Variants in HDAC4 observed in about 807,000 individuals in gnomAD.
HDAC4 encodes histone deacetylase 4.
In HDAC4, 16 loss-of-function variants were observed where a neutral mutation model predicts 135.1. That is an observed-to-expected ratio of 0.12 (90% CI 0.08 to 0.18). HDAC4 has a LOEUF of 0.18. Ranked by LOEUF, HDAC4 falls within the 10% of genes least tolerant of loss-of-function variation. HDAC4 has a pLI of 1.00. For missense variants in HDAC4, 1,143 were observed against 1,511.8 expected (o/e 0.76, Z 4.05); for synonymous variants, 685 against 653.4 (o/e 1.05, Z -0.74).
intron 19 of HDAC4, 129 bp downstream of exon 19, chr2:239,087,430 G>A: frequency 2.3e-6 from 2 of 868,720 alleles, no homozygotes; most frequent in Non-Finnish European, 3.7e-6. Flanking sequence ...AAGCCGGCAT[G>A]CGGCACATCC....
rs766604502 is a variant in HDAC4 at position 239,156,601 on chromosome 2, A to G, written c.733+51T>C. The G allele has an allele frequency of 1.9e-6, 3 of 1,613,152 alleles. No homozygotes were observed. The East Asian group carries it at 6.7e-5, about 36-fold the overall frequency. Reference sequence around the variant, plus strand: ...GGGCCCTGCGTGGCTTGTGGCGTGGAAGGTGCCCGTGCAGGAGACCTCCCG... The same window carrying G: ...GGGCCCTGCGTGGCTTGTGGCGTGGGAGGTGCCCGTGCAGGAGACCTCCCG... On this transcript the variant is annotated intron_variant, in intron 7 of 26. Transcript: ENST00000543185.
At chr2:239,372,340 G>A (rs1160962119) in intron 1 of HDAC4, among the ~76,000 whole-genome samples, 4 of 152,216 alleles carry the variant, frequency 2.6e-5, no homozygotes, top group African/African-American at 9.7e-5. Flanking sequence ...CCTTTAAGAA[G>A]CAACACCTCA....
intron 1 of HDAC4, among the ~76,000 whole-genome samples, chr2:239,373,855 A>G (rs1694806595): frequency 6.6e-6 from 1 of 152,220 alleles, no homozygotes; most frequent in South Asian, 2.1e-4. Context: ...ATCCGGGGTC[A>G]ATGAGGACGG....
intron 24 of HDAC4, among the ~76,000 whole-genome samples, chr2:239,063,249 G>T (rs1368778806): frequency 2.0e-5 from 3 of 151,876 alleles, no homozygotes; most frequent in African/African-American, 7.3e-5. Flanking sequence ...CGCCCAGGCT[G>T]GAGTGTGGTG....
chr2:239,378,579 G>A (rs775436669), intron 1 of HDAC4, among the ~76,000 whole-genome samples: 41 of 152,094 alleles, frequency 2.7e-4, no homozygotes, highest in Middle Eastern at 3.4e-3. Flanking sequence ...GGCTCCCCTC[G>A]CTCTCAGGAG....
At chr2:239,092,065 C>T (rs1271203131) in intron 17 of HDAC4, among the ~76,000 whole-genome samples, 1 of 152,094 alleles carries the variant, frequency 6.6e-6, no homozygotes, top group Non-Finnish European at 1.5e-5. Flanking sequence ...AGCCAGACTC[C>T]GTCTCAAAAA....
At chr2:239,368,880 G>GC (rs961690619) in intron 1 of HDAC4, among the ~76,000 whole-genome samples, 3 of 152,182 alleles carry the variant, frequency 2.0e-5, no homozygotes, top group Non-Finnish European at 4.4e-5. Context: ...ATCGATGTCG[G>GC]CATCGACAGC....
intron 5 of HDAC4, among the ~76,000 whole-genome samples, chr2:239,175,655 C>T (rs1000528323): frequency 5.9e-5 from 9 of 152,112 alleles, no homozygotes; most frequent in East Asian, 1.9e-4. Context: ...CTCACTGGGC[C>T]GTGGGTCACT....
intron 2 of HDAC4, among the ~76,000 whole-genome samples, chr2:239,251,542 C>G (rs2048785018): frequency 6.6e-6 from 1 of 152,120 alleles, no homozygotes; most frequent in Non-Finnish European, 1.5e-5. Context: ...GCACTACAGC[C>G]TGGGTGACAG....
intron 4 of HDAC4, among the ~76,000 whole-genome samples, chr2:239,177,497 G>C (rs1179739989): frequency 6.6e-6 from 1 of 152,224 alleles, no homozygotes; most frequent in Non-Finnish European, 1.5e-5. Context: ...TAGGGTTGGG[G>C]GTGCCGAGGC....
chr2:239,115,399 C>A lies in HDAC4; in HGVS notation c.1534-89G>T. ...GAAGGGATGCTGCAAACCCCACCCT[C>A]TGGGGCAGACAATCAGGGACTCAGG... On this transcript the variant is annotated intron_variant, in intron 12 of 26. Transcript: ENST00000543185. This position sits in a 1 kb window ranked among gnomAD's most constrained non-coding sequence, Gnocchi z 6.3. 10 of 1,527,528 alleles carry A rather than the reference C, an allele frequency of 6.5e-6. No homozygotes were observed. Among genetic ancestry groups the A allele is most frequent in the Non-Finnish European group, 9.0e-6 (10 of 1,113,146 alleles). 94.6% of individuals were successfully genotyped at this position (1,527,528 alleles called of 1,614,324 possible). A position where few individuals can be genotyped will look rare whatever the true frequency, so the allele number is the denominator to read the frequency against.
chr2:239,135,733 T>C (rs10166405), intron 9 of HDAC4, among the ~76,000 whole-genome samples: 17,151 of 152,230 alleles, frequency 0.11, 3,180 homozygotes, highest in African/African-American at 0.39. Flanking sequence ...CCAGCAGGCA[T>C]GGCAGAGCTA....
chr2:239,063,089 A>G (rs929793994), intron 24 of HDAC4, among the ~76,000 whole-genome samples: 6 of 151,962 alleles, frequency 3.9e-5, no homozygotes, highest in Non-Finnish European at 8.8e-5. Flanking sequence ...GGGGTCTCGC[A>G]TACTCCAGGT....
intron 3 of HDAC4, 88 bp from the exon 4 acceptor site, chr2:239,190,165 T>C: frequency 8.8e-6 from 11 of 1,245,218 alleles, no homozygotes; most frequent in East Asian, 3.0e-5. Flanking sequence ...ACTGGCCACC[T>C]TCACGGGGCG....
intron 2 of HDAC4, among the ~76,000 whole-genome samples, chr2:239,280,285 C>T (rs964408236): frequency 9.2e-5 from 14 of 152,188 alleles, no homozygotes; most frequent in African/African-American, 3.1e-4. Context: ...ACTCCCGAGA[C>T]GCTGTGTTAA....
Position 239,386,544 on chromosome 2 carries a change from C to CGTCCAT in HDAC4, c.-220+14428_-220+14433dup, listed in dbSNP as rs1172024488. ...AGCCCACGGATGTTGGTGGGTAAGGCGTCCATGCAGAGGCATGCTTGGAGC... is the reference window on the plus strand; with the variant it reads ...AGCCCACGGATGTTGGTGGGTAAGGCGTCCATGTCCATGCAGAGGCATGCTTGGAGC... On this transcript the variant is annotated intron_variant, in intron 1 of 26. Transcript: ENST00000543185. Among the ~76,000 whole-genome samples the CGTCCAT allele has an allele frequency of 3.3e-5, 5 of 152,248 alleles. No individual in the cohort carries two copies. In the East Asian group the frequency reaches 9.7e-4, roughly 29 times the overall value.
At chr2:239,387,036 C>T (rs557329847) in intron 1 of HDAC4, among the ~76,000 whole-genome samples, 19 of 152,350 alleles carry the variant, frequency 1.2e-4, no homozygotes, top group African/African-American at 4.1e-4. Flanking sequence ...GATGTCTGTC[C>T]GTGCGTCTAT....
intron 7 of HDAC4, among the ~76,000 whole-genome samples, chr2:239,147,113 G>A (rs2041817289): frequency 6.6e-6 from 1 of 152,210 alleles, no homozygotes; most frequent in South Asian, 2.1e-4. Context: ...TTTTGGATGC[G>A]GGGCTCGGGG....
chr2:239,140,116 C>A (rs760204573), intron 8 of HDAC4, among the ~76,000 whole-genome samples: 1 of 152,166 alleles, frequency 6.6e-6, no homozygotes, highest in Non-Finnish European at 1.5e-5. Context: ...CAACAGAAGA[C>A]CAGAAAATGC....
Sources: allele counts gnomAD v4.1 joint callset (sites outside exome capture counted in the v4.1 genomes callset), GRCh38; gene constraint gnomAD v4.1.1; non-coding constraint Gnocchi (gnomAD v3.1); transcripts MANE v1.5; gene names NCBI Gene and HGNC (gene_info 2026-07-23, HGNC 2026-07-21).